The following COX7B2 variants were observed in gnomAD, a reference collection of about 807,000 sequenced individuals.
The protein encoded by COX7B2 is cytochrome c oxidase subunit 7B2, mitochondrial.
For synonymous variants in COX7B2, 37 were observed against 32.1 expected, an observed-to-expected ratio of 1.15 and a Z score of -0.51; for missense variants, 109 against 95.9, an observed-to-expected ratio of 1.14 and a Z score of -0.57.
intron 1 of COX7B2, among the ~76,000 whole-genome samples, chr4:46,871,893 T>A (rs1718014738): frequency 6.6e-6 from 1 of 152,090 alleles, no homozygotes; most frequent in Non-Finnish European, 1.5e-5. Flanking sequence ...TTATTCCAAC[T>A]ATTGTAGAAA....
chr4:46,781,819 C>T (rs1161072345), intron 2 of COX7B2, among the ~76,000 whole-genome samples: 4 of 152,226 alleles, frequency 2.6e-5, no homozygotes, highest in Non-Finnish European at 5.9e-5. Context: ...GGCTTAGCAC[C>T]CAAGCCAGCA....
chr4:46,774,567 A>G (rs1717053642), intron 2 of COX7B2, among the ~76,000 whole-genome samples: 1 of 151,974 alleles, frequency 6.6e-6, no homozygotes, highest in Admixed American at 6.6e-5. Context: ...TATTCCCCCT[A>G]TTTTCCATGT....
intron 1 of COX7B2, 51 bp downstream of exon 1, chr4:46,909,109 C>A (rs1035002338): frequency 1.3e-5 from 2 of 152,052 alleles, no homozygotes; most frequent in Non-Finnish European, 2.9e-5. Context: ...AAGACCATGT[C>A]TTATAACTGT....
At chr4:46,798,375 T>C (rs1718470660) in intron 2 of COX7B2, among the ~76,000 whole-genome samples, 1 of 152,190 alleles carries the variant, frequency 6.6e-6, no homozygotes, top group Non-Finnish European at 1.5e-5. Flanking sequence ...AAAAAGCTTG[T>C]AGCATTGAGT....
rs76777228 is a variant in COX7B2 at position 46,845,312 on chromosome 4, C to T, written c.-104-298G>A. ...TAACTCTCTTTTTTATACCAGCTAC[C>T]TTCATGAGTCACCACTCACCTGTAC... is the stretch of plus-strand genomic sequence containing the variant. On this transcript the variant is annotated intron_variant, in intron 1 of 2. Coordinates refer to ENST00000355591, the MANE Select transcript of COX7B2 (RefSeq NM_130902.3). Among the ~76,000 whole-genome samples, 5 of 151,904 alleles carry T rather than the reference C, an allele frequency of 3.3e-5. No homozygotes were observed. In the East Asian group the frequency reaches 9.8e-4, roughly 30 times the overall value.
At chr4:46,896,767 G>A (rs1719787926) in intron 1 of COX7B2, among the ~76,000 whole-genome samples, 1 of 152,156 alleles carries the variant, frequency 6.6e-6, no homozygotes, top group Non-Finnish European at 1.5e-5. Flanking sequence ...GGCACCCTCT[G>A]CTTTTGTTAA....
chr4:46,902,226 C>A (rs954671218), intron 1 of COX7B2, among the ~76,000 whole-genome samples: 1 of 151,708 alleles, frequency 6.6e-6, no homozygotes, highest in South Asian at 2.1e-4. Context: ...AGCTGAATCC[C>A]AAGAAAAAAA....
chr4:46,853,876 C>T (rs904375054), intron 1 of COX7B2, among the ~76,000 whole-genome samples: 1 of 152,052 alleles, frequency 6.6e-6, no homozygotes, highest in Non-Finnish European at 1.5e-5. Context: ...AATTGTGGAA[C>T]TTAAGTTTAC....
intron 1 of COX7B2, among the ~76,000 whole-genome samples, chr4:46,893,035 C>A (rs1431374029): frequency 4.6e-5 from 7 of 152,164 alleles, no homozygotes; most frequent in Non-Finnish European, 7.3e-5. Flanking sequence ...ACCTCCCCAG[C>A]CATAAGGAAC....
chr4:46,905,383 G>A (rs1720319115), intron 1 of COX7B2, among the ~76,000 whole-genome samples: 1 of 152,134 alleles, frequency 6.6e-6, no homozygotes, highest in South Asian at 2.1e-4. Context: ...TTATCCCAAA[G>A]CACACTGTGT....
intron 1 of COX7B2, among the ~76,000 whole-genome samples, chr4:46,855,965 T>G (rs1279553940): frequency 6.6e-6 from 1 of 152,080 alleles, no homozygotes; most frequent in Non-Finnish European, 1.5e-5. Context: ...AATCCCTGGC[T>G]GGGCGCGGTG....
At chr4:46,785,895 A>AG (rs1301579708) in intron 2 of COX7B2, among the ~76,000 whole-genome samples, 3 of 152,128 alleles carry the variant, frequency 2.0e-5, no homozygotes, top group Admixed American at 2.0e-4. Context: ...GGAAATAAAC[A>AG]GAAAAAAAAT....
chr4:46,902,367 C>T (rs1353703803), intron 1 of COX7B2, among the ~76,000 whole-genome samples: 1 of 152,154 alleles, frequency 6.6e-6, no homozygotes, highest in Non-Finnish European at 1.5e-5. Flanking sequence ...GGAAACATCA[C>T]AAAAAGAAAG....
chr4:46,862,626 C>G (rs1405311966), intron 1 of COX7B2, among the ~76,000 whole-genome samples: 1 of 152,054 alleles, frequency 6.6e-6, no homozygotes, highest in Non-Finnish European at 1.5e-5. Flanking sequence ...ATAAATAAGA[C>G]TAATTTAAGA....
intron 2 of COX7B2, among the ~76,000 whole-genome samples, chr4:46,793,156 A>C (rs1366817029): frequency 2.0e-5 from 3 of 152,192 alleles, no homozygotes; most frequent in Non-Finnish European, 4.4e-5. Flanking sequence ...GGGGCTTATC[A>C]GAAGTTTGGA....
At chr4:46,805,826 A>C (rs1373647425) in intron 2 of COX7B2, among the ~76,000 whole-genome samples, 2 of 152,198 alleles carry the variant, frequency 1.3e-5, no homozygotes, top group African/African-American at 4.8e-5. Flanking sequence ...AAATAAAAGG[A>C]ACATCCATAG....
intron 2 of COX7B2, among the ~76,000 whole-genome samples, chr4:46,822,498 GC>G (rs1323582335): frequency 6.6e-6 from 1 of 151,958 alleles, no homozygotes; most frequent in Non-Finnish European, 1.5e-5. Flanking sequence ...ATGAATGTTT[GC>G]CCACCCTTTG....
At chr4:46,810,363 G>A (rs1227064108) in intron 2 of COX7B2, among the ~76,000 whole-genome samples, 30 of 151,654 alleles carry the variant, frequency 2.0e-4, no homozygotes, top group Admixed American at 2.0e-3. Flanking sequence ...TTTCTCTCTT[G>A]TCATCTACCT....
At chr4:46,757,130 A>G (rs1036348660) in intron 2 of COX7B2, among the ~76,000 whole-genome samples, 7 of 152,136 alleles carry the variant, frequency 4.6e-5, no homozygotes, top group South Asian at 4.1e-4. Context: ...ACTTAGTCAT[A>G]AAAAAGAATG....
Sources: allele counts gnomAD v4.1 joint callset (sites outside exome capture counted in the v4.1 genomes callset), GRCh38; gene constraint gnomAD v4.1.1; transcripts MANE v1.5; gene names NCBI Gene and HGNC (gene_info 2026-07-23, HGNC 2026-07-21).